The following ZNF678 variants were observed in gnomAD, a reference collection of about 807,000 sequenced individuals.
ZNF678 encodes the protein hypothetical protein MGC42493.
In ZNF678, 5 loss-of-function variants were observed where a neutral mutation model predicts 3.0. The ratio of observed to expected loss-of-function variants is 1.69; its 90% CI spans 0.88 to 3.56. ZNF678 has a LOEUF of 3.56. Ranked by LOEUF, ZNF678 falls within the 30% of genes most tolerant of loss-of-function variation. ZNF678 has a pLI of 0.00. For synonymous variants in ZNF678, 218 were observed against 199.6 expected, an observed-to-expected ratio of 1.09 and a Z score of -0.78; for missense variants, 593 against 605.0, an observed-to-expected ratio of 0.98 and a Z score of 0.21.
At chr1:227,646,422 C>A in intron 1 of ZNF678, 122 bp from the exon 2 acceptor site, 1 of 937,358 alleles carries the variant, frequency 1.1e-6, no homozygotes, top group Non-Finnish European at 1.5e-6. Flanking sequence ...GTGTTTTAAA[C>A]AATGTCTTAC....
In ZNF678 at chr1:227,660,505, GTTTTC is replaced by G. The variant is rs1659375807; in HGVS notation, c.*4681_*4685del. On this transcript the variant is annotated 3_prime_UTR_variant, in exon 4 of 4. Coordinates refer to ENST00000343776, the MANE Select transcript of ZNF678 (RefSeq NM_001367909.1). ...TCTGTAACTATTGCAGGTGTCAATT[GTTTTC>G]TTTATTTCTTTTTCAGATAGTTTGT... is the stretch of plus-strand genomic sequence containing the variant. The G allele has an allele frequency of 6.6e-6, 1 of 151,822 alleles. No homozygotes were observed. The highest frequency in any genetic ancestry group is 1.5e-5 in the Non-Finnish European group (1 of 67,886). 9.4% of individuals were successfully genotyped at this position (151,822 alleles called of 1,614,324 possible).
chr1:227,619,885 C>T (rs6694427), intron 1 of ZNF678, among the ~76,000 whole-genome samples: 32,852 of 152,100 alleles, frequency 0.22, 4,038 homozygotes, highest in African/African-American at 0.33. Flanking sequence ...TGGAACACTA[C>T]GCATAAATAA....
At chr1:227,633,120 C>A (rs1658591236) in intron 1 of ZNF678, among the ~76,000 whole-genome samples, 1 of 152,120 alleles carries the variant, frequency 6.6e-6, no homozygotes, top group African/African-American at 2.4e-5. Context: ...GGACACCCTG[C>A]CGGATCCGGA....
chr1:227,630,794 A>G (rs1438945596), intron 1 of ZNF678, among the ~76,000 whole-genome samples: 2 of 152,150 alleles, frequency 1.3e-5, no homozygotes, highest in Non-Finnish European at 2.9e-5. Context: ...TAGTTGGGGA[A>G]GGAGCCAGGG....
chr1:227,593,189 C>A (rs542663778), intron 1 of ZNF678, among the ~76,000 whole-genome samples: 2 of 152,314 alleles, frequency 1.3e-5, no homozygotes, highest in Admixed American at 1.3e-4. Context: ...ACTGGAGGAC[C>A]ACATTAGTGG....
rs1432409321 is a variant in ZNF678, at chr1:227,608,913, AAATTTG to A, written c.-163-37627_-163-37622del. ...TGAGTCCTCAGACTTGCCCTCAGGTAAATTTGAATAAAACAAAGACACGTAAAAACT... is the reference window on the plus strand; with the variant it reads ...TGAGTCCTCAGACTTGCCCTCAGGTAAATAAAACAAAGACACGTAAAAACT... On this transcript the variant is annotated intron_variant, in intron 1 of 3. Coordinates refer to ENST00000343776, the MANE Select transcript of ZNF678 (RefSeq NM_001367909.1). Among the ~76,000 whole-genome samples the A allele has an allele frequency of 2.6e-5, 4 of 152,312 alleles. No individual in the cohort carries two copies. In the East Asian group the frequency reaches 7.7e-4, roughly 29 times the overall value.
chr1:227,668,341 C>A (rs562577801), intron 5 of ZNF678, among the ~76,000 whole-genome samples: 8 of 152,288 alleles, frequency 5.3e-5, no homozygotes, highest in South Asian at 4.1e-4. Context: ...AAAGGTTCTG[C>A]AGATATTACA....
At chr1:227,623,222 G>T (rs1658323902) in intron 1 of ZNF678, among the ~76,000 whole-genome samples, 2 of 152,184 alleles carry the variant, frequency 1.3e-5, no homozygotes, top group South Asian at 4.1e-4. Context: ...TGATGCCCTT[G>T]GCAGGTGCTC....
chr1:227,602,979 C>CCA (rs1304169155), intron 1 of ZNF678, among the ~76,000 whole-genome samples: 2 of 152,168 alleles, frequency 1.3e-5, no homozygotes, highest in Non-Finnish European at 2.9e-5. Context: ...TGTGCCCCAG[C>CCA]CTGGGCAACA....
At chr1:227,622,795 C>G (rs1418970311) in intron 1 of ZNF678, among the ~76,000 whole-genome samples, 1 of 152,210 alleles carries the variant, frequency 6.6e-6, no homozygotes, top group Non-Finnish European at 1.5e-5. Flanking sequence ...CAGCCCCCAT[C>G]CTGAATTCTC....
downstream of ZNF678, among the ~76,000 whole-genome samples, chr1:227,679,629 T>C (rs1432795170): frequency 1.3e-5 from 2 of 152,022 alleles, no homozygotes; most frequent in Admixed American, 1.3e-4. Context: ...GACAGGAGAC[T>C]TGCCGATGCT....
At chr1:227,637,651 T>C (rs980371110) in intron 1 of ZNF678, among the ~76,000 whole-genome samples, 3 of 151,680 alleles carry the variant, frequency 2.0e-5, no homozygotes, top group African/African-American at 7.3e-5. Context: ...CCTTTTGGAG[T>C]AGATGGAAAG....
At chr1:227,628,435 G>C (rs180767019) in intron 1 of ZNF678, among the ~76,000 whole-genome samples, 2 of 152,274 alleles carry the variant, frequency 1.3e-5, no homozygotes, top group Non-Finnish European at 2.9e-5. Context: ...TTGGCTTTCT[G>C]AGTTCCCGTA....
rs1393998523 is a variant in ZNF678 at position 227,654,715 on chromosome 1, T to C, written c.465T>C (p.Cys155=). The C allele has an allele frequency of 2.5e-6, 4 of 1,612,816 alleles. No individual in the cohort carries two copies. The highest frequency in any genetic ancestry group is 1.7e-4 in the Middle Eastern group (1 of 6,052). Residue 155 remains cysteine (C), a synonymous_variant, in exon 4 of 4, where the codon TGT becomes TGC. Transcript: ENST00000343776. ...RIHTGEKPYK[C]DECGKVFNWW... ...ATACTGGAGAGAAACCCTACAAATGTGACGAATGTGGCAAAGTTTTTAATT... is the reference window on the plus strand; with the variant it reads ...ATACTGGAGAGAAACCCTACAAATGCGACGAATGTGGCAAAGTTTTTAATT...
rs775578357 is a variant in ZNF678, at chr1:227,675,283, C to A, written c.227-1896C>A. On this transcript the variant is annotated intron_variant, in intron 5 of 5. Transcript: ENST00000608949. ...AACACAGTGAGAAGGTGGCCATCTG[C>A]AATCCAGAAGACAGCCCAGAAATAA... Among the ~76,000 whole-genome samples, 74 of 152,174 alleles carry A rather than the reference C, an allele frequency of 4.9e-4. 2 individuals are homozygous for A. The highest frequency in any genetic ancestry group is 2.8e-4 in the Non-Finnish European group (19 of 68,030).
intron 1 of ZNF678, among the ~76,000 whole-genome samples, chr1:227,594,731 T>C (rs2935145): frequency 0.48 from 72,655 of 152,060 alleles, 18,614 homozygotes; most frequent in African/African-American, 0.66. Flanking sequence ...GACAATTCTT[T>C]GACATGCCTC....
At chr1:227,570,043 G>T (rs1368779633) in intron 1 of ZNF678, among the ~76,000 whole-genome samples, 2 of 152,204 alleles carry the variant, frequency 1.3e-5, no homozygotes, top group East Asian at 3.8e-4. Flanking sequence ...TTTACCTTTA[G>T]TGGGCTTATT....
chr1:227,636,647 G>C (rs997320749), intron 1 of ZNF678, among the ~76,000 whole-genome samples: 2 of 152,188 alleles, frequency 1.3e-5, no homozygotes. Flanking sequence ...TTTAAGGATA[G>C]TTTTTTTCTT....
chr1:227,676,188 T>C (rs1284459719), intron 5 of ZNF678, among the ~76,000 whole-genome samples: 1 of 152,194 alleles, frequency 6.6e-6, no homozygotes, highest in East Asian at 1.9e-4. Flanking sequence ...ATCACCTGCC[T>C]ATCCAGAAAA....
Sources: gnomAD v4.1 joint callset for allele counts (sites outside exome capture counted in the v4.1 genomes callset) on GRCh38, gnomAD v4.1.1 for gene constraint, MANE v1.5 for transcripts, NCBI Gene and HGNC (gene_info 2026-07-23, HGNC 2026-07-21) for gene names.